The following LIMCH1 variants were observed in gnomAD, a reference collection of about 807,000 sequenced individuals.
The protein encoded by LIMCH1 is LIM and calponin homology domains 1.
A neutral mutation model predicts 176.5 loss-of-function variants in LIMCH1; 113 were observed. The observed-to-expected ratio is 0.64, with a 90% CI of 0.55 to 0.75. The LOEUF is 0.75. Among genes scored for constraint, LIMCH1 ranks in the 30% least tolerant of loss-of-function variants. The pLI is 0.00. For synonymous variants in LIMCH1, 619 were observed against 645.9 expected (o/e 0.96, Z 0.63); for missense variants, 1,674 against 1,814.9 (o/e 0.92, Z 1.41).
At chr4:41,447,930 A>G (rs1453169676) in intron 1 of LIMCH1, among the ~76,000 whole-genome samples, 1 of 152,168 alleles carries the variant, frequency 6.6e-6, no homozygotes, top group Non-Finnish European at 1.5e-5. Context: ...AGCTGGGATT[A>G]CAGGCATGCA....
chr4:41,402,163 A>G (rs2058511938), intron 1 of LIMCH1, among the ~76,000 whole-genome samples: 1 of 152,208 alleles, frequency 6.6e-6, no homozygotes, highest in African/African-American at 2.4e-5. Context: ...AAAAGTGGGC[A>G]AAGGATATGA....
chr4:41,617,765 T>C (rs1389256686), intron 5 of LIMCH1, among the ~76,000 whole-genome samples: 3 of 152,228 alleles, frequency 2.0e-5, no homozygotes, highest in Non-Finnish European at 4.4e-5. Context: ...AATCATTTTA[T>C]TCCTATTTTA....
intron 5 of LIMCH1, among the ~76,000 whole-genome samples, chr4:41,614,614 T>C (rs1159170901): frequency 6.6e-6 from 1 of 152,210 alleles, no homozygotes; most frequent in Non-Finnish European, 1.5e-5. Context: ...GTTACGAAAA[T>C]ACTTGACTAT....
rs376404917 is a variant in LIMCH1, at chr4:41,688,150, A to G, written c.4166+233A>G. ...GTGACATTGGTGCCGCTATGGCCATAGGGCTTTAATTACATTGTGTGGAAC... is the reference window on the plus strand; with the variant it reads ...GTGACATTGGTGCCGCTATGGCCATGGGGCTTTAATTACATTGTGTGGAAC... On this transcript the variant is annotated intron_variant, in intron 29 of 31. Coordinates refer to ENST00000503057, the MANE Select transcript of LIMCH1 (RefSeq NM_001330672.2). Among the ~76,000 whole-genome samples the G allele has an allele frequency of 5.3e-5, 8 of 152,358 alleles. No individual in the cohort carries two copies. In the East Asian group the frequency reaches 5.8e-4, roughly 11 times the overall value.
At chr4:41,545,978 T>C (rs1011652434) in intron 1 of LIMCH1, among the ~76,000 whole-genome samples, 1 of 152,196 alleles carries the variant, frequency 6.6e-6, no homozygotes, top group African/African-American at 2.4e-5. Flanking sequence ...AGAAATTGTT[T>C]CTGCTTGGTC....
chr4:41,659,953 T>C (rs2094565347), intron 18 of LIMCH1, among the ~76,000 whole-genome samples: 2 of 152,134 alleles, frequency 1.3e-5, no homozygotes, highest in African/African-American at 2.4e-5. Context: ...ACAGAAGTAA[T>C]ACATAGTCAT....
intron 1 of LIMCH1, among the ~76,000 whole-genome samples, chr4:41,391,438 G>A (rs1056119563): frequency 6.6e-6 from 1 of 152,170 alleles, no homozygotes; most frequent in African/African-American, 2.4e-5. Flanking sequence ...CAAACATTGT[G>A]TGTAGTTAAA....
chr4:41,605,861 G>A, intron 3 of LIMCH1, 33 bp from the exon 4 acceptor site: 1 of 1,402,148 alleles, frequency 7.1e-7, no homozygotes, highest in African/African-American at 1.4e-5. Flanking sequence ...ATTCTTGAGG[G>A]AAAAATCTGC....
At chr4:41,376,371 G>T (rs1001332028) in intron 1 of LIMCH1, among the ~76,000 whole-genome samples, 1 of 152,050 alleles carries the variant, frequency 6.6e-6, no homozygotes, top group African/African-American at 2.4e-5. Context: ...GAAATTTTGA[G>T]GTTTTATTTT....
intron 9 of LIMCH1, among the ~76,000 whole-genome samples, chr4:41,630,085 T>C (rs945448069): frequency 6.6e-6 from 1 of 152,092 alleles, no homozygotes; most frequent in Non-Finnish European, 1.5e-5. Context: ...GGATTACAGA[T>C]GTGAGCCACT....
intron 14 of LIMCH1, 101 bp from the exon 15 acceptor site, chr4:41,644,399 C>T (rs992600131): frequency 2.2e-6 from 3 of 1,376,936 alleles, no homozygotes; most frequent in Non-Finnish European, 2.9e-6. Flanking sequence ...GGGCAGTTTT[C>T]CAAGCCCGGT....
chr4:41,623,797 T>C (rs1024870580), intron 7 of LIMCH1, among the ~76,000 whole-genome samples: 3 of 152,164 alleles, frequency 2.0e-5, no homozygotes, highest in African/African-American at 7.2e-5. Context: ...CAAAGGTGCA[T>C]GTTATTTCAT....
At chr4:41,503,332 G>A (rs1245358675) in intron 2 of LIMCH1, among the ~76,000 whole-genome samples, 1 of 152,136 alleles carries the variant, frequency 6.6e-6, no homozygotes, top group Non-Finnish European at 1.5e-5. Flanking sequence ...TCCACAGTCT[G>A]CCCTACCCTA....
intron 1 of LIMCH1, among the ~76,000 whole-genome samples, chr4:41,364,655 T>G (rs756560912): frequency 3.1e-4 from 47 of 152,340 alleles, no homozygotes; most frequent in Non-Finnish European, 5.9e-4. Context: ...TCTTCAATAT[T>G]ATGCTGAATA....
chr4:41,526,271 T>TA (rs1405572654), intron 3 of LIMCH1, among the ~76,000 whole-genome samples: 58 of 151,526 alleles, frequency 3.8e-4, no homozygotes, highest in Admixed American at 1.1e-3. Flanking sequence ...CTTTTTTTTT[T>TA]TTTTTGCCCC....
chr4:41,419,603 CGTCCT>C (rs1169189661), intron 1 of LIMCH1, among the ~76,000 whole-genome samples: 3 of 65,414 alleles, frequency 4.6e-5, no homozygotes, highest in African/African-American at 4.2e-4. Context: ...TCCTTCCTTC[CGTCCT>C]TCCTTCCTTC....
chr4:41,608,784 T>C (rs1476178390), intron 4 of LIMCH1, among the ~76,000 whole-genome samples: 2 of 152,082 alleles, frequency 1.3e-5, no homozygotes, highest in African/African-American at 4.8e-5. Flanking sequence ...ACAAAGAGGA[T>C]TTACTACAAG....
intron 1 of LIMCH1, among the ~76,000 whole-genome samples, chr4:41,568,713 G>T (rs192177843): frequency 6.6e-6 from 1 of 152,192 alleles, no homozygotes; most frequent in Non-Finnish European, 1.5e-5. Context: ...CGAGGCTATA[G>T]GTCGAGGTAT....
chr4:41,370,304 G>A (rs867629738), intron 1 of LIMCH1, among the ~76,000 whole-genome samples: 5 of 152,114 alleles, frequency 3.3e-5, no homozygotes, highest in South Asian at 4.1e-4. Context: ...CACTTCCAAT[G>A]ATAGTGAATC....
Sources: gnomAD v4.1 joint callset for allele counts (sites outside exome capture counted in the v4.1 genomes callset) on GRCh38, gnomAD v4.1.1 for gene constraint, MANE v1.5 for transcripts, NCBI Gene and HGNC (gene_info 2026-07-23, HGNC 2026-07-21) for gene names.